NFIB: variants seen among roughly 807,000 people sequenced by gnomAD.
NFIB encodes the protein nuclear factor I B, also known as nuclear factor 1 B-type.
Under a neutral mutation model 61.5 loss-of-function variants are expected in NFIB, and 11 were observed. The ratio of observed to expected loss-of-function variants is 0.18; its 90% confidence interval spans 0.11 to 0.30. The LOEUF (loss-of-function observed/expected upper bound fraction) is 0.30. Ranked by LOEUF, NFIB falls within the 10% of genes least tolerant of loss-of-function variation. The pLI, the probability that NFIB is intolerant of heterozygous loss-of-function variation, is 1.00. For missense variants in NFIB, 471 were observed against 608.9 expected (o/e 0.77, Z 2.38); for synonymous variants, 260 against 216.5 (o/e 1.20, Z -1.76).
intron 10 of NFIB, among the ~76,000 whole-genome samples, chr9:14,110,614 A>G (rs560974233): frequency 6.6e-6 from 1 of 152,112 alleles, no homozygotes; most frequent in African/African-American, 2.4e-5. Context: ...TAAAGTAATG[A>G]AAGGACACAG....
chr9:14,452,125 C>G, the NFIB span, among the ~76,000 whole-genome samples: 6 of 152,070 alleles, frequency 3.9e-5, no homozygotes, highest in Non-Finnish European at 8.8e-5. Flanking sequence ...TCTCATAAAG[C>G]CTTTCTTATT....
rs2043327510 is a variant in NFIB at position 14,155,800 on chromosome 9, A to C, written c.685+25T>G. 2.1e-6 allele frequency: 3 copies of C among 1,417,924 alleles called. No homozygotes were observed. In the African/African-American group the frequency reaches 4.3e-5, roughly 20 times the overall value. The allele number at this position is 1,417,924 out of a possible 1,614,324, so 87.8% of individuals were successfully genotyped here. ...TATTTTAAATCATACTGCATGCTTA[A>C]GTAGTAACAAAACAATTTACTTACT... On this transcript the variant is annotated intron_variant, in intron 4 of 10. Coordinates refer to ENST00000380953, the MANE Select transcript of NFIB (RefSeq NM_001190737.2).
chr9:14,492,581 G>A, the NFIB span, among the ~76,000 whole-genome samples: 1 of 151,844 alleles, frequency 6.6e-6, no homozygotes, highest in Non-Finnish European at 1.5e-5. Flanking sequence ...AAGAGGGAGG[G>A]GGAAGGGAAG....
chr9:14,398,408 G>T, intron 1 of NFIB: 1 of 692,938 alleles, frequency 1.4e-6, no homozygotes, highest in Non-Finnish European at 2.3e-6. Context: ...CCTGCAACAG[G>T]AAGGACCTTC....
chr9:14,254,585 C>T (rs2056015762), intron 2 of NFIB, among the ~76,000 whole-genome samples: 1 of 152,110 alleles, frequency 6.6e-6, no homozygotes, highest in Non-Finnish European at 1.5e-5. Context: ...TTTTACAGTA[C>T]TCCCGTGCAC....
chr9:14,403,593 A>G (rs112650058), upstream of NFIB, among the ~76,000 whole-genome samples: 1,914 of 151,712 alleles, frequency 0.013, 34 homozygotes, highest in African/African-American at 0.042. Context: ...TAACTTTTTA[A>G]CCTCATCTAA....
At chr9:14,399,386 C>G (rs965301101), upstream of NFIB, among the ~76,000 whole-genome samples, 4 of 152,150 alleles carry the variant, frequency 2.6e-5, no homozygotes, top group Admixed American at 6.5e-5. Context: ...GACATTAACA[C>G]AGGAATTCTA....
At chr9:14,359,897 G>C (rs141814240) in intron 1 of NFIB, among the ~76,000 whole-genome samples, 59 of 152,074 alleles carry the variant, frequency 3.9e-4, no homozygotes, top group African/African-American at 1.4e-3. Flanking sequence ...TTTAAAGAAA[G>C]GCATTGTTTA....
At chr9:14,514,319 T>TACACACACACACACAC in the NFIB span, among the ~76,000 whole-genome samples, 7 of 52,716 alleles carry the variant, frequency 1.3e-4, no homozygotes, top group African/African-American at 3.2e-4. Context: ...TACACATACA[T>TACACACACACACACAC]ACATACATAC....
chr9:14,217,952 G>A (rs775483173), intron 2 of NFIB, among the ~76,000 whole-genome samples: 4 of 152,158 alleles, frequency 2.6e-5, no homozygotes, highest in Admixed American at 6.5e-5. Flanking sequence ...GGCAGTGGTA[G>A]AGCACAAAAA....
At chr9:14,348,410 C>T (rs552986924) in intron 1 of NFIB, among the ~76,000 whole-genome samples, 3 of 151,780 alleles carry the variant, frequency 2.0e-5, no homozygotes, top group South Asian at 2.1e-4. Context: ...CGCTGAGCGC[C>T]GTTCCAAACG....
At chr9:14,200,625 G>C (rs1367759459) in intron 2 of NFIB, among the ~76,000 whole-genome samples, 1 of 151,602 alleles carries the variant, frequency 6.6e-6, no homozygotes, top group African/African-American at 2.4e-5. Context: ...TTTCCTTTAG[G>C]GCACCACTCC....
At chr9:14,497,150 T>C in the NFIB span, among the ~76,000 whole-genome samples, 1 of 152,256 alleles carries the variant, frequency 6.6e-6, no homozygotes, top group African/African-American at 2.4e-5. Flanking sequence ...TCTTAAGTTA[T>C]ATTCCAGGTA....
chr9:14,513,663 G>GGA, the NFIB span, among the ~76,000 whole-genome samples: 3 of 145,206 alleles, frequency 2.1e-5, no homozygotes, highest in African/African-American at 7.6e-5. Flanking sequence ...AAAAGAAAAA[G>GGA]AAAAAAAAAG....
At chr9:14,499,020 A>G in the NFIB span, among the ~76,000 whole-genome samples, 1 of 151,104 alleles carries the variant, frequency 6.6e-6, no homozygotes, top group South Asian at 2.1e-4. Flanking sequence ...GTACGTGCAC[A>G]TGTGCACGTG....
the NFIB span, among the ~76,000 whole-genome samples, chr9:14,427,934 G>GTTTTTTTTTTTTTT: frequency 1.4e-3 from 37 of 25,976 alleles, no homozygotes; most frequent in South Asian, 5.3e-3. Context: ...CTTTAATTCA[G>GTTTTTTTTTTTTTT]TTGTTTTTTT....
intron 2 of NFIB, among the ~76,000 whole-genome samples, chr9:14,251,544 T>C (rs2055621394): frequency 6.6e-6 from 1 of 152,162 alleles, no homozygotes; most frequent in Admixed American, 6.6e-5. Context: ...GTCAGTGCTA[T>C]TTTCTCCTGA....
At chr9:14,271,893 T>G (rs1028165648) in intron 2 of NFIB, among the ~76,000 whole-genome samples, 1 of 152,190 alleles carries the variant, frequency 6.6e-6, no homozygotes, top group Non-Finnish European at 1.5e-5. Flanking sequence ...GGTAGAGAAT[T>G]TTTGTCCCTA....
chr9:14,382,278 T>C (rs1194965511), intron 1 of NFIB, among the ~76,000 whole-genome samples: 1 of 152,122 alleles, frequency 6.6e-6, no homozygotes, highest in Non-Finnish European at 1.5e-5. Context: ...AGCTCATGTT[T>C]GAGAACACAG....
Sources: allele counts gnomAD v4.1 joint callset (sites outside exome capture counted in the v4.1 genomes callset), GRCh38; gene constraint gnomAD v4.1.1; transcripts MANE v1.5; gene names NCBI Gene and HGNC (gene_info 2026-07-23, HGNC 2026-07-21).